PCLO: variants seen among roughly 807,000 people sequenced by gnomAD.
The protein encoded by PCLO is protein piccolo.
A neutral mutation model predicts 427.5 loss-of-function variants in PCLO; 82 were observed. That is an observed-to-expected ratio of 0.19 (90% confidence interval 0.16 to 0.23). The LOEUF (loss-of-function observed/expected upper bound fraction) is 0.23. Among genes scored for constraint, PCLO ranks in the 10% least tolerant of loss-of-function variants. PCLO has a pLI of 1.00. For missense variants in PCLO, 6,239 were observed against 6,115.9 expected (o/e 1.02, Z -0.67); for synonymous variants, 2,357 against 2,155.4 (o/e 1.09, Z -2.59).
chr7:83,157,697 T>C (rs1792335823), intron 1 of PCLO, among the ~76,000 whole-genome samples: 1 of 151,924 alleles, frequency 6.6e-6, no homozygotes, highest in Non-Finnish European at 1.5e-5. Flanking sequence ...ACTTTAGTGA[T>C]AAAGTTGCAG....
chr7:82,765,638 AT>A (rs2129467685), intron 22 of PCLO, among the ~76,000 whole-genome samples: 1 of 152,172 alleles, frequency 6.6e-6, no homozygotes, highest in African/African-American at 2.4e-5. Flanking sequence ...CCTAATACTA[AT>A]TGGCTCACAT....
intron 20 of PCLO, chr7:82,821,044 T>G: frequency 8.4e-7 from 1 of 1,187,992 alleles, no homozygotes; most frequent in East Asian, 3.6e-5. Flanking sequence ...TCTCTAAAAA[T>G]TAAAGATGAG....
At chr7:82,821,901 T>C (rs920426737) in intron 20 of PCLO, 6 of 985,318 alleles carry the variant, frequency 6.1e-6, no homozygotes, top group Non-Finnish European at 7.2e-6. Context: ...AAGACTACAA[T>C]TTTTTGCACA....
At chr7:83,016,657 T>A (rs889203001) in intron 3 of PCLO, among the ~76,000 whole-genome samples, 1 of 152,114 alleles carries the variant, frequency 6.6e-6, no homozygotes, top group African/African-American at 2.4e-5. Context: ...GAAGTCACCC[T>A]TAAGGAAGAG....
chr7:82,760,513 G>A, intron 24 of PCLO, 126 bp downstream of exon 24: 1 of 566,568 alleles, frequency 1.8e-6, no homozygotes, highest in Non-Finnish European at 2.8e-6. Context: ...AGATACTGCT[G>A]AAAATTAATT....
At chr7:82,896,627 A>C (rs1392611705) in intron 9 of PCLO, among the ~76,000 whole-genome samples, 1 of 151,630 alleles carries the variant, frequency 6.6e-6, no homozygotes, top group Non-Finnish European at 1.5e-5. Flanking sequence ...CTAACAATAG[A>C]TATTTATGAT....
In PCLO at chr7:82,755,273, A is replaced by G. The variant is rs571752580; in HGVS notation, c.*3302T>C. 4.1e-4 allele frequency: 63 copies of G among 152,264 alleles called. No individual in the cohort carries two copies. Among genetic ancestry groups the G allele is most frequent in the African/African-American group, 1.2e-3 (49 of 41,568 alleles). The allele number at this position is 152,264 out of a possible 1,614,324, so 9.4% of individuals were successfully genotyped here. ...TTTAATTAGTGTAATTTATTAAAAT[A>G]TGGGCAATATTAAAGAGTAAAGATA... is the stretch of plus-strand genomic sequence containing the variant. On this transcript the variant is annotated 3_prime_UTR_variant, in exon 25 of 25. Coordinates refer to ENST00000333891, the MANE Select transcript of PCLO (RefSeq NM_033026.6).
At chr7:83,114,429 A>C (rs1356577030) in intron 3 of PCLO, among the ~76,000 whole-genome samples, 1 of 152,142 alleles carries the variant, frequency 6.6e-6, no homozygotes, top group Non-Finnish European at 1.5e-5. Context: ...GAGGATGAAG[A>C]ATTAAAAGTA....
rs535301075 is a variant in PCLO, at chr7:82,949,560, C to T, written c.11028G>A (p.Gln3676=). ...GAGGCTTGGGGTCAGACATAGAACG[C>T]TGCATCATCTTGGCTGTCTTAGGAC... ...PASPKTAKMM[Q]RSMSDPKPLS... Residue 3676 remains glutamine (Q), a synonymous_variant, in exon 6 of 25, where the codon CAG becomes CAA. Coordinates refer to ENST00000333891, the MANE Select transcript of PCLO (RefSeq NM_033026.6). The T allele has an allele frequency of 3.7e-6, 6 of 1,613,840 alleles. No individual in the cohort carries two copies. In the East Asian group the frequency reaches 8.9e-5, roughly 24 times the overall value.
At chr7:83,108,362 A>G (rs1011695325) in intron 3 of PCLO, among the ~76,000 whole-genome samples, 7 of 152,128 alleles carry the variant, frequency 4.6e-5, no homozygotes, top group African/African-American at 1.7e-4. Context: ...TTATCTATAT[A>G]CCTACTTACT....
chr7:82,897,782 A>G (rs1450433339), intron 9 of PCLO, among the ~76,000 whole-genome samples: 1 of 151,450 alleles, frequency 6.6e-6, no homozygotes, highest in Non-Finnish European at 1.5e-5. Flanking sequence ...CATTTTTTTA[A>G]TAAGTAGAAA....
intron 3 of PCLO, among the ~76,000 whole-genome samples, chr7:83,031,972 G>C (rs1788680937): frequency 6.6e-6 from 1 of 152,052 alleles, no homozygotes; most frequent in South Asian, 2.1e-4. Flanking sequence ...TTTTAGGATT[G>C]CATTTGATTA....
chr7:82,962,841 T>C (rs955435289), intron 4 of PCLO, among the ~76,000 whole-genome samples: 4 of 151,968 alleles, frequency 2.6e-5, no homozygotes, highest in Non-Finnish European at 5.9e-5. Context: ...ATTACTGATA[T>C]AGTACACTGT....
intron 10 of PCLO, among the ~76,000 whole-genome samples, chr7:82,873,828 G>T (rs34936288): frequency 0.26 from 38,661 of 151,512 alleles, 5,240 homozygotes; most frequent in Middle Eastern, 0.3. Flanking sequence ...TGGGGGGGTG[G>T]TTTCTGTCAG....
intron 15 of PCLO, among the ~76,000 whole-genome samples, chr7:82,836,507 C>A (rs557337208): frequency 6.6e-6 from 1 of 152,058 alleles, no homozygotes; most frequent in Admixed American, 6.6e-5. Context: ...TACTATGTGA[C>A]TATTGGTAAT....
intron 21 of PCLO, among the ~76,000 whole-genome samples, chr7:82,803,910 G>A (rs934010878): frequency 2.0e-5 from 3 of 151,738 alleles, no homozygotes; most frequent in African/African-American, 7.3e-5. Context: ...CAGGAAAATG[G>A]GAAAAATCAA....
chr7:83,098,431 G>A (rs1199086457), intron 3 of PCLO, among the ~76,000 whole-genome samples: 1 of 152,100 alleles, frequency 6.6e-6, no homozygotes, highest in South Asian at 2.1e-4. Flanking sequence ...GACACCAAGG[G>A]AATGCAAAAT....
chr7:83,131,250 C>A (rs1177758301), intron 3 of PCLO, among the ~76,000 whole-genome samples: 1 of 152,142 alleles, frequency 6.6e-6, no homozygotes, highest in African/African-American at 2.4e-5. Context: ...GCCATTTATA[C>A]AAACTGGGCA....
intron 3 of PCLO, among the ~76,000 whole-genome samples, chr7:83,053,496 T>C (rs1469209019): frequency 6.6e-6 from 1 of 151,764 alleles, no homozygotes; most frequent in Non-Finnish European, 1.5e-5. Flanking sequence ...GAAGGAAAGA[T>C]GGAGGGGAGT....
Sources: gnomAD v4.1 joint callset for allele counts (sites outside exome capture counted in the v4.1 genomes callset) on GRCh38, gnomAD v4.1.1 for gene constraint, MANE v1.5 for transcripts, NCBI Gene and HGNC (gene_info 2026-07-23, HGNC 2026-07-21) for gene names.